The following LETM1 variants were observed in gnomAD, a reference collection of about 807,000 sequenced individuals.
The protein encoded by LETM1 is leucine zipper and EF-hand containing transmembrane protein 1, also known as mitochondrial proton/calcium exchanger protein.
A neutral mutation model predicts 74.5 loss-of-function variants in LETM1; 50 were observed. That is an observed-to-expected ratio of 0.67 (90% CI 0.53 to 0.85). LETM1 has a LOEUF of 0.85. Among genes scored for constraint, LETM1 ranks in the 40% least tolerant of loss-of-function variants. The pLI, the probability that LETM1 is intolerant of heterozygous loss-of-function variation, is 0.00. For synonymous variants in LETM1, 446 were observed against 407.1 expected (o/e 1.10, Z -1.15); for missense variants, 824 against 967.8 (o/e 0.85, Z 1.97).
intron 6 of LETM1, among the ~76,000 whole-genome samples, chr4:1,827,205 C>T (rs1441866422): frequency 6.6e-6 from 1 of 151,984 alleles, no homozygotes; most frequent in African/African-American, 2.4e-5. Flanking sequence ...AGCTTCCTTC[C>T]CTCTGATACT....
At chr4:1,837,164 C>T (rs1169130130) in intron 3 of LETM1, among the ~76,000 whole-genome samples, 2 of 152,148 alleles carry the variant, frequency 1.3e-5, no homozygotes, top group African/African-American at 4.8e-5. Context: ...TGATGCTGCC[C>T]CTCCTTGGTG....
intron 5 of LETM1, chr4:1,833,691 C>G (rs927078504): frequency 6.6e-6 from 1 of 152,370 alleles, no homozygotes; most frequent in Non-Finnish European, 1.5e-5. Context: ...GAGGGACAAG[C>G]CACCAGCTCA....
Position 1,841,757 on chromosome 4 carries a change from A to C in LETM1, c.184T>G (p.Tyr62Asp), listed in dbSNP as rs769941330. The change falls in exon 3 of 14, where the codon TAC (tyrosine) becomes GAC (aspartate). Residue 62 changes from tyrosine to aspartate, a missense_variant. Transcript: ENST00000302787. ...FGCCTPIHPV[Y>D]TSSRGDHLGC... ...AGGTGATCGCCTCTGGAGGATGTGT[A>C]CACAGGGTGGATGGGAGTGCAGCAG... The C allele has an allele frequency of 6.2e-7, 1 of 1,613,958 alleles. No homozygotes were observed. Among genetic ancestry groups the C allele is most frequent in the East Asian group, 2.2e-5 (1 of 44,884 alleles).
rs147463751 is a variant in LETM1 at position 1,815,772 on chromosome 4, G to C, written c.1962C>G (p.Ile654Met). ...GENVISVAELINAMKQVKHIP... is the reference protein window; with the variant it reads ...GENVISVAELMNAMKQVKHIP... ...TGTGCTTGACTTGCTTCATGGCGTT[G>C]ATGAGCTCAGCGACACTGATGACGT... Residue 654 changes from isoleucine to methionine, a missense_variant, in exon 13 of 14, where the codon ATC becomes ATG. By Grantham distance (10) the Ile-to-Met change is conservative (BLOSUM62 1). Transcript: ENST00000302787. The C allele has an allele frequency of 3.1e-6, 5 of 1,614,180 alleles. No homozygotes were observed. In the South Asian group the frequency reaches 3.3e-5, roughly 11 times the overall value.
chr4:1,820,811 G>A (rs888487402), intron 10 of LETM1, among the ~76,000 whole-genome samples: 1 of 152,160 alleles, frequency 6.6e-6, no homozygotes, highest in Non-Finnish European at 1.5e-5. Flanking sequence ...ATCACTTGAG[G>A]TCAGGAGTTC....
At chr4:1,846,695 A>T (rs1031809828) in intron 2 of LETM1, 1 of 152,238 alleles carries the variant, frequency 6.6e-6, no homozygotes, top group Non-Finnish European at 1.5e-5. Context: ...CATATGTCAC[A>T]AACACTAGAT....
intron 6 of LETM1, among the ~76,000 whole-genome samples, chr4:1,827,078 C>T (rs1712017582): frequency 6.6e-6 from 1 of 152,190 alleles, no homozygotes; most frequent in Admixed American, 6.5e-5. Flanking sequence ...GACCCTCGCT[C>T]TGGTTGCTGG....
intron 6 of LETM1, among the ~76,000 whole-genome samples, chr4:1,828,757 G>A (rs1712127842): frequency 7.0e-6 from 1 of 143,800 alleles, no homozygotes; most frequent in Non-Finnish European, 1.5e-5. Context: ...AGCAGGGGCG[G>A]CCGGGCAGAG....
chr4:1,827,376 G>T (rs1712034565), intron 6 of LETM1, among the ~76,000 whole-genome samples: 1 of 129,040 alleles, frequency 7.7e-6, no homozygotes, highest in Non-Finnish European at 1.6e-5. Flanking sequence ...GTGGAGGGAA[G>T]GTCAGCAGAT....
chr4:1,828,169 G>C (rs1307378629), intron 6 of LETM1, among the ~76,000 whole-genome samples: 1 of 120,132 alleles, frequency 8.3e-6, no homozygotes, highest in Admixed American at 7.6e-5. Context: ...CAGTAGGGGC[G>C]GCCGGGCAGA....
chr4:1,849,296 G>T, intron 1 of LETM1, 87 bp from the exon 2 acceptor site: 1 of 944,908 alleles, frequency 1.1e-6, no homozygotes, highest in Non-Finnish European at 1.7e-6. Context: ...TTGGAGTTTC[G>T]CTCTTGCGCC....
At chr4:1,843,073 G>A (rs933826355) in intron 2 of LETM1, 2 of 290,650 alleles carry the variant, frequency 6.9e-6, no homozygotes, top group Non-Finnish European at 1.4e-5. Context: ...CTCTGTGCAT[G>A]GCCTGACGCC....
At chr4:1,821,093 A>C (rs1456116543) in intron 10 of LETM1, among the ~76,000 whole-genome samples, 1 of 151,794 alleles carries the variant, frequency 6.6e-6, no homozygotes, top group East Asian at 1.9e-4. Flanking sequence ...TTTTTACAGA[A>C]TAGTTCTATT....
intron 1 of LETM1, 124 bp downstream of exon 1, chr4:1,855,745 C>G: frequency 1.8e-6 from 1 of 545,382 alleles, no homozygotes; most frequent in Non-Finnish European, 2.6e-6. Flanking sequence ...CCCGCAGGGG[C>G]TCCGGAGGCC....
At position 1,811,710 on chromosome 4, in the gene LETM1, T is replaced by G. The variant is rs977677850; in HGVS notation, c.*2714A>C. On this transcript the variant is annotated 3_prime_UTR_variant, in exon 14 of 14. Transcript: ENST00000302787. ...AGCCCTGGGACCCACTGTGAGCCAC[T>G]GCGGGGTGTCCTTCATTTAAAAAAA... 1 of 152,268 alleles carries G rather than the reference T, an allele frequency of 6.6e-6. No individual in the cohort carries two copies. Among genetic ancestry groups the G allele is most frequent in the Non-Finnish European group, 1.5e-5 (1 of 68,056 alleles). The allele number at this position is 152,268 out of a possible 1,614,324, so 9.4% of individuals were successfully genotyped here.
intron 11 of LETM1, among the ~76,000 whole-genome samples, chr4:1,817,941 G>A (rs916271959): frequency 7.2e-5 from 11 of 152,040 alleles, no homozygotes; most frequent in African/African-American, 2.7e-4. Context: ...CATCATGCCT[G>A]GCTAATTTTT....
At chr4:1,849,950 A>G (rs1042297283) in intron 1 of LETM1, among the ~76,000 whole-genome samples, 5 of 152,302 alleles carry the variant, frequency 3.3e-5, no homozygotes, top group Middle Eastern at 3.4e-3. Context: ...TGAGGCCAGG[A>G]GTTCAAGACC....
chr4:1,832,672 A>G lies in LETM1; in HGVS notation c.1080+72T>C, dbSNP rs1712317418. ...CTTCCAGAGTTTCTACAATGAGGACATGCTGCTTTTATCATCAGGAAACGA... is the reference window on the plus strand; with the variant it reads ...CTTCCAGAGTTTCTACAATGAGGACGTGCTGCTTTTATCATCAGGAAACGA... On this transcript the variant is annotated intron_variant, in intron 6 of 13. Coordinates refer to ENST00000302787, the MANE Select transcript of LETM1 (RefSeq NM_012318.3). 4 of 1,430,786 alleles carry G rather than the reference A, an allele frequency of 2.8e-6. No individual in the cohort carries two copies. In the Admixed American group the frequency reaches 6.8e-5, roughly 24 times the overall value. The allele number at this position is 1,430,786 out of a possible 1,614,324, so 88.6% of individuals were successfully genotyped here. A position where few individuals can be genotyped will look rare whatever the true frequency, so the allele number is the denominator to read the frequency against.
chr4:1,815,251 C>T (rs1214342228), intron 13 of LETM1, among the ~76,000 whole-genome samples: 2 of 152,174 alleles, frequency 1.3e-5, no homozygotes, highest in African/African-American at 2.4e-5. Flanking sequence ...GCCCAAGCTG[C>T]CCCGCGGCTC....
Sources: allele counts gnomAD v4.1 joint callset (sites outside exome capture counted in the v4.1 genomes callset), GRCh38; gene constraint gnomAD v4.1.1; transcripts MANE v1.5; gene names NCBI Gene and HGNC (gene_info 2026-07-23, HGNC 2026-07-21).